The following PRKG1 variants were observed in gnomAD, a reference collection of about 807,000 sequenced individuals.
PRKG1 encodes cGMP-dependent protein kinase 1.
PRKG1 carries 35 observed loss-of-function variants against 88.1 expected under a neutral mutation model. The observed-to-expected ratio is 0.40, with a 90% CI of 0.30 to 0.53. The LOEUF (loss-of-function observed/expected upper bound fraction) is 0.53. Ranked by LOEUF, PRKG1 falls within the 20% of genes least tolerant of loss-of-function variation. PRKG1 has a pLI of 0.59. For synonymous variants in PRKG1, 303 were observed against 292.5 expected (o/e 1.04, Z -0.37); for missense variants, 540 against 839.8 (o/e 0.64, Z 4.41).
At chr10:51,753,036 G>T (rs1313753566) in intron 3 of PRKG1, among the ~76,000 whole-genome samples, 1 of 152,090 alleles carries the variant, frequency 6.6e-6, no homozygotes, top group Non-Finnish European at 1.5e-5. Context: ...TCTGTTACTT[G>T]AGTAAAATAA....
At chr10:51,757,249 C>A (rs2132520299) in intron 3 of PRKG1, among the ~76,000 whole-genome samples, 1 of 152,084 alleles carries the variant, frequency 6.6e-6, no homozygotes, top group East Asian at 1.9e-4. Flanking sequence ...TTATAGGGAC[C>A]TGCCACCACA....
At chr10:51,330,060 C>A (rs1454027021) in intron 2 of PRKG1, among the ~76,000 whole-genome samples, 3 of 148,816 alleles carry the variant, frequency 2.0e-5, no homozygotes, top group African/African-American at 7.4e-5. Context: ...ACCCCTTTAT[C>A]TTTCTCTTTT....
At chr10:51,024,102 C>T (rs1843171258) in intron 1 of PRKG1, among the ~76,000 whole-genome samples, 1 of 152,166 alleles carries the variant, frequency 6.6e-6, no homozygotes, top group South Asian at 2.1e-4. Context: ...GTCATCACTG[C>T]CTGATTGTGC....
chr10:51,345,753 G>A (rs998018432), intron 2 of PRKG1, among the ~76,000 whole-genome samples: 6 of 152,176 alleles, frequency 3.9e-5, no homozygotes, highest in African/African-American at 1.4e-4. Context: ...TATTGAGCAT[G>A]TGCTTTGTGC....
intron 7 of PRKG1, among the ~76,000 whole-genome samples, chr10:52,111,114 C>T (rs756114072): frequency 3.9e-5 from 6 of 152,058 alleles, no homozygotes; most frequent in Non-Finnish European, 7.4e-5. Context: ...ATTTATTTAT[C>T]TTACTTAAAA....
At chr10:51,439,174 T>G (rs1250411486) in intron 2 of PRKG1, among the ~76,000 whole-genome samples, 5 of 151,852 alleles carry the variant, frequency 3.3e-5, no homozygotes, top group African/African-American at 1.2e-4. Flanking sequence ...GTAGAGTGAT[T>G]TTGTAGAAGC....
intron 4 of PRKG1, among the ~76,000 whole-genome samples, chr10:51,848,981 T>C (rs1413835312): frequency 6.6e-6 from 1 of 152,132 alleles, no homozygotes; most frequent in African/African-American, 2.4e-5. Flanking sequence ...AACCTTGCAA[T>C]ATATTTAAAC....
intron 17 of PRKG1, among the ~76,000 whole-genome samples, chr10:52,293,369 T>G (rs1393417519): frequency 3.3e-5 from 5 of 151,458 alleles, no homozygotes; most frequent in Admixed American, 6.6e-5. Flanking sequence ...GCCATCCCCA[T>G]CAAGCTACCA....
intron 1 of PRKG1, among the ~76,000 whole-genome samples, chr10:51,012,737 C>A (rs539610399): frequency 1.3e-5 from 2 of 152,108 alleles, no homozygotes; most frequent in Admixed American, 1.3e-4. Flanking sequence ...AATGAGAGAA[C>A]AAATAAAAAG....
chr10:52,120,733 T>A (rs957162273), intron 7 of PRKG1, among the ~76,000 whole-genome samples: 4 of 152,150 alleles, frequency 2.6e-5, no homozygotes, highest in African/African-American at 9.7e-5. Context: ...CCCGCCCCTG[T>A]GTCTTTGCTG....
chr10:52,238,756 A>C (rs199524021), intron 9 of PRKG1, among the ~76,000 whole-genome samples: 6,505 of 149,346 alleles, frequency 0.044, 184 homozygotes, highest in South Asian at 0.17. Flanking sequence ...TGTGGAAGTC[A>C]GTGTGGCGAT....
At chr10:51,743,737 A>AAT (rs369411662) in intron 3 of PRKG1, among the ~76,000 whole-genome samples, 9,521 of 40,182 alleles carry the variant, frequency 0.24, 803 homozygotes, top group East Asian at 0.29. Context: ...ATATAAACTA[A>AAT]ATATATATAT....
At chr10:51,955,192 G>A (rs965269069) in intron 5 of PRKG1, among the ~76,000 whole-genome samples, 4 of 152,024 alleles carry the variant, frequency 2.6e-5, no homozygotes, top group African/African-American at 7.2e-5. Flanking sequence ...TCACAAATTG[G>A]TCTCTAGCCT....
intron 2 of PRKG1, among the ~76,000 whole-genome samples, chr10:51,227,445 T>A (rs1184779369): frequency 3.3e-5 from 5 of 152,170 alleles, no homozygotes; most frequent in Non-Finnish European, 4.4e-5. Flanking sequence ...TCTTTTTGAA[T>A]GCTGGTACCC....
At chr10:51,063,633 TAA>T (rs776709346) in intron 1 of PRKG1, among the ~76,000 whole-genome samples, 5 of 152,226 alleles carry the variant, frequency 3.3e-5, no homozygotes, top group African/African-American at 4.8e-5. Flanking sequence ...TGTACGTTAA[TAA>T]GAGTCATTTT....
intron 2 of PRKG1, among the ~76,000 whole-genome samples, chr10:51,332,955 T>C (rs1841779836): frequency 6.6e-6 from 1 of 152,220 alleles, no homozygotes; most frequent in Non-Finnish European, 1.5e-5. Flanking sequence ...CTATCTCCTT[T>C]AACCTCCTAA....
At chr10:51,249,646 T>C (rs1839379606) in intron 2 of PRKG1, among the ~76,000 whole-genome samples, 1 of 150,882 alleles carries the variant, frequency 6.6e-6, no homozygotes, top group Admixed American at 6.6e-5. Context: ...ATGAAAAAAA[T>C]GACCATTTAT....
At chr10:51,520,305 T>C (rs992657076) in intron 3 of PRKG1, among the ~76,000 whole-genome samples, 4 of 149,204 alleles carry the variant, frequency 2.7e-5, no homozygotes, top group African/African-American at 7.3e-5. Context: ...TTAAATTAAA[T>C]AGTTGGCTTT....
intron 2 of PRKG1, among the ~76,000 whole-genome samples, chr10:51,297,539 T>C (rs1409983002): frequency 6.6e-6 from 1 of 152,116 alleles, no homozygotes; most frequent in African/African-American, 2.4e-5. Flanking sequence ...AGAAAATTAT[T>C]AACTTGTAAA....
Sources: gnomAD v4.1 joint callset for allele counts (sites outside exome capture counted in the v4.1 genomes callset) on GRCh38, gnomAD v4.1.1 for gene constraint, MANE v1.5 for transcripts, NCBI Gene and HGNC (gene_info 2026-07-23, HGNC 2026-07-21) for gene names.